Variants in MYO5A observed in about 807,000 individuals in gnomAD.
MYO5A encodes myosin VA, also known as unconventional myosin-Va.
In MYO5A, 98 loss-of-function variants were observed where a neutral mutation model predicts 249.7. The ratio of observed to expected loss-of-function variants is 0.39; its 90% CI spans 0.33 to 0.46. The LOEUF (loss-of-function observed/expected upper bound fraction) is 0.46, where lower values mean the gene tolerates loss of function less well. Ranked by LOEUF, MYO5A falls within the 20% of genes least tolerant of loss-of-function variation. MYO5A has a pLI of 0.98. For missense variants in MYO5A, 1,696 were observed against 2,308.8 expected, an observed-to-expected ratio of 0.73 and a Z score of 5.44; for synonymous variants, 778 against 810.6, an observed-to-expected ratio of 0.96 and a Z score of 0.68.
intron 1 of MYO5A, among the ~76,000 whole-genome samples, chr15:52,524,953 T>C (rs1033495376): frequency 4.0e-5 from 6 of 148,562 alleles, no homozygotes; most frequent in South Asian, 2.1e-4. Flanking sequence ...GTGCTATCCA[T>C]GGTGTCTGGG....
chr15:52,341,409 T>A (rs979580651), intron 31 of MYO5A, among the ~76,000 whole-genome samples: 2 of 152,222 alleles, frequency 1.3e-5, no homozygotes. Context: ...TTATTGCTTT[T>A]CCAAGCAAAC....
chr15:52,500,990 G>A (rs1476326005), intron 1 of MYO5A, among the ~76,000 whole-genome samples: 1 of 149,958 alleles, frequency 6.7e-6, no homozygotes, highest in Non-Finnish European at 1.5e-5. Context: ...TTTTTTTTGA[G>A]ACGGAGTCTT....
chr15:52,386,308 T>C (rs1372690394), intron 14 of MYO5A, among the ~76,000 whole-genome samples: 1 of 73,762 alleles, frequency 1.4e-5, no homozygotes, highest in African/African-American at 3.7e-5. Context: ...TGAGACACTG[T>C]CTCAAAACAA....
intron 1 of MYO5A, among the ~76,000 whole-genome samples, chr15:52,480,540 G>A (rs1436227413): frequency 1.3e-5 from 2 of 152,164 alleles, no homozygotes; most frequent in African/African-American, 2.4e-5. Context: ...GATCCTTGAG[G>A]CCCTCTCTGG....
At chr15:52,416,103 T>C (rs921705201) in intron 5 of MYO5A, 42 bp downstream of exon 5, 2 of 1,610,288 alleles carry the variant, frequency 1.2e-6, no homozygotes, top group Admixed American at 1.7e-5. Flanking sequence ...ATGTTTCTTA[T>C]CAAGAGAATA....
At chr15:52,481,636 T>C (rs1366236898) in intron 1 of MYO5A, among the ~76,000 whole-genome samples, 2 of 152,188 alleles carry the variant, frequency 1.3e-5, no homozygotes, top group African/African-American at 2.4e-5. Context: ...GGATTTGGGC[T>C]AGAAGGACAA....
intron 37 of MYO5A, among the ~76,000 whole-genome samples, chr15:52,322,011 C>T (rs2038348817): frequency 6.6e-6 from 1 of 152,106 alleles, no homozygotes; most frequent in African/African-American, 2.4e-5. Context: ...TTTCGTAGTA[C>T]CCACACCATG....
At chr15:52,371,977 T>C in intron 21 of MYO5A, 147 bp downstream of exon 21, 1 of 1,126,552 alleles carries the variant, frequency 8.9e-7, no homozygotes, top group South Asian at 1.3e-5. Flanking sequence ...CATAAGTACT[T>C]CCATGCCCAT....
intron 10 of MYO5A, 41 bp from the exon 11 acceptor site, chr15:52,396,438 C>CA: frequency 8.4e-7 from 1 of 1,193,488 alleles, no homozygotes; most frequent in Middle Eastern, 1.9e-4. Flanking sequence ...AGAAAAGGAA[C>CA]AAAAAGCTTT....
At chr15:52,379,480 T>A in intron 18 of MYO5A, 145 bp downstream of exon 18, 1 of 742,846 alleles carries the variant, frequency 1.3e-6, no homozygotes, top group South Asian at 1.5e-5. Flanking sequence ...AGTTCCAGCA[T>A]CCTAAACACA....
At chr15:52,522,937 T>C (rs1327898343) in intron 1 of MYO5A, among the ~76,000 whole-genome samples, 1 of 152,114 alleles carries the variant, frequency 6.6e-6, no homozygotes, top group Non-Finnish European at 1.5e-5. Flanking sequence ...TAATCTTTTC[T>C]GGACAATACA....
intron 32 of MYO5A, 47 bp downstream of exon 32, chr15:52,340,149 C>T (rs375068514): frequency 6.3e-5 from 101 of 1,600,536 alleles, no homozygotes; most frequent in South Asian, 1.2e-4. Context: ...ACTAGACTGT[C>T]GGGCAGGCTA....
intron 1 of MYO5A, among the ~76,000 whole-genome samples, chr15:52,486,257 G>A (rs990478456): frequency 6.6e-6 from 1 of 152,192 alleles, no homozygotes; most frequent in Non-Finnish European, 1.5e-5. Context: ...GGAGGTCAAA[G>A]AGCCACGTCC....
At chr15:52,360,890 G>T (rs58812575) in intron 24 of MYO5A, among the ~76,000 whole-genome samples, 13,545 of 152,194 alleles carry the variant, frequency 0.089, 1,874 homozygotes, top group African/African-American at 0.3. Flanking sequence ...AAAAGATCCA[G>T]TGGCTTAATC....
At position 52,319,260 on chromosome 15, in the gene MYO5A, G is replaced by A. The variant is rs756082685; in HGVS notation, c.5034C>T (p.Ile1678=). The change falls in exon 39 of 42, where the codon ATC becomes ATT. Residue 1678 remains isoleucine, a synonymous_variant. Coordinates refer to ENST00000399233, the MANE Select transcript of MYO5A (RefSeq NM_001382347.1). ...PTGLRKRTSS[I]ADEGTYTLDS... ...CCAGTGTGTAGGTGCCCTCATCGGC[G>A]ATACTGGAGGTTCGCTTTCTCAACC... 9 of 1,613,976 alleles carry A rather than the reference G, an allele frequency of 5.6e-6. 1 individual carries two copies. The highest frequency in any genetic ancestry group is 4.4e-5 in the South Asian group (4 of 91,080).
rs2042106491 is a variant in MYO5A, at chr15:52,389,300, C to T, written c.1606G>A (p.Ala536Thr). 1 of 1,612,862 alleles carries T rather than the reference C, an allele frequency of 6.2e-7. No individual in the cohort carries two copies. Among genetic ancestry groups the T allele is most frequent in the Non-Finnish European group, 8.5e-7 (1 of 1,179,014 alleles). Residue 536 changes from alanine to threonine, a missense_variant, in exon 13 of 42, where the codon GCA (alanine) becomes ACA (threonine). Physicochemically the swap from Ala to Thr is moderately conservative, Grantham distance 58 (BLOSUM62 0). Coordinates refer to ENST00000399233, the MANE Select transcript of MYO5A (RefSeq NM_001382347.1). Reference sequence around the variant, plus strand: ...GATAGACGAGGCTTTTCAAAGAGTGCACATTTGTTCAAATGTGTGTTGTAC... The same window carrying T: ...GATAGACGAGGCTTTTCAAAGAGTGTACATTTGTTCAAATGTGTGTTGTAC... ...KLYNTHLNKCALFEKPRLSNK... is the reference protein window; with the variant it reads ...KLYNTHLNKCTLFEKPRLSNK...
chr15:52,435,911 A>G (rs570883586), intron 1 of MYO5A, among the ~76,000 whole-genome samples: 1 of 152,266 alleles, frequency 6.6e-6, no homozygotes, highest in Admixed American at 6.5e-5. Flanking sequence ...TAGCCATCAC[A>G]GTTTTTTTGT....
In MYO5A at chr15:52,337,836, GAT is replaced by G; in HGVS notation, c.4286_4287del (p.Tyr1429SerfsTer10). 1 of 1,543,308 alleles carries G rather than the reference GAT, an allele frequency of 6.5e-7. No individual in the cohort carries two copies. The highest frequency in any genetic ancestry group is 8.8e-7 in the Non-Finnish European group (1 of 1,141,956). The part of the protein sequence containing the change: ...YADDPKKYQS[Y>X]RISLYKRMID... ...ATCATCCGTTTGTAAAGGGAAATCC[GAT>G]ATGATTGATACTTCTTAGGGTCATC... On this transcript the variant is annotated frameshift_variant, in exon 33 of 42. Coordinates refer to ENST00000399233, the MANE Select transcript of MYO5A (RefSeq NM_001382347.1). LOFTEE classifies it high-confidence loss of function.
chr15:52,517,413 G>A (rs532865683), intron 1 of MYO5A, among the ~76,000 whole-genome samples: 44 of 152,270 alleles, frequency 2.9e-4, no homozygotes, highest in South Asian at 2.3e-3. Context: ...GGCTGGGGGC[G>A]GTGGCTCACA....
Sources: allele counts gnomAD v4.1 joint callset (sites outside exome capture counted in the v4.1 genomes callset), GRCh38; gene constraint gnomAD v4.1.1; transcripts MANE v1.5; gene names NCBI Gene and HGNC (gene_info 2026-07-23, HGNC 2026-07-21).